DOCK8: variants seen among roughly 807,000 people sequenced by gnomAD.
The protein encoded by DOCK8 is dedicator of cytokinesis 8, also known as dedicator of cytokinesis protein 8.
Under a neutral mutation model 245.6 loss-of-function variants are expected in DOCK8, and 141 were observed. The ratio of observed to expected loss-of-function variants is 0.57; its 90% CI spans 0.50 to 0.66. DOCK8 has a LOEUF of 0.66. Among genes scored for constraint, DOCK8 ranks in the 30% least tolerant of loss-of-function variants. DOCK8 has a pLI of 0.00. For missense variants in DOCK8, 2,965 were observed against 2,603.4 expected, an observed-to-expected ratio of 1.14 and a Z score of -3.02; for synonymous variants, 1,168 against 970.2, an observed-to-expected ratio of 1.20 and a Z score of -3.79.
At chr9:358,793 G>A (rs1394628274) in intron 14 of DOCK8, among the ~76,000 whole-genome samples, 1 of 152,182 alleles carries the variant, frequency 6.6e-6, no homozygotes, top group Non-Finnish European at 1.5e-5. Context: ...AGGTTGCAGT[G>A]AACTGAGATC....
At chr9:415,607 G>C (rs529602139) in intron 29 of DOCK8, among the ~76,000 whole-genome samples, 10 of 152,108 alleles carry the variant, frequency 6.6e-5, no homozygotes, top group African/African-American at 2.4e-4. Context: ...CCAAATAGAA[G>C]AACTTCTTAT....
chr9:290,691 A>G (rs1333093247), intron 4 of DOCK8, among the ~76,000 whole-genome samples: 1 of 152,098 alleles, frequency 6.6e-6, no homozygotes, highest in African/African-American at 2.4e-5. Flanking sequence ...TGAGATGTGG[A>G]CTCTCTACAG....
At chr9:345,006 C>G (rs1460735887) in intron 14 of DOCK8, among the ~76,000 whole-genome samples, 1 of 152,056 alleles carries the variant, frequency 6.6e-6, no homozygotes, top group East Asian at 1.9e-4. Flanking sequence ...GAGCTGAGAT[C>G]CTGCCATTGC....
At chr9:280,329 C>T (rs1305066486) in intron 2 of DOCK8, among the ~76,000 whole-genome samples, 1 of 152,148 alleles carries the variant, frequency 6.6e-6, no homozygotes, top group Admixed American at 6.5e-5. Flanking sequence ...TTTCTTTAGC[C>T]TAGTGTCTGT....
intron 42 of DOCK8, among the ~76,000 whole-genome samples, 163 bp from the exon 43 acceptor site, chr9:443,264 C>T (rs1446494002): frequency 6.6e-6 from 1 of 152,156 alleles, no homozygotes; most frequent in Non-Finnish European, 1.5e-5. Flanking sequence ...TTATTTTTGT[C>T]TTAGGAAATG....
intron 26 of DOCK8, among the ~76,000 whole-genome samples, chr9:399,702 C>G (rs1256707564): frequency 1.3e-5 from 2 of 152,026 alleles, no homozygotes; most frequent in African/African-American, 4.8e-5. Context: ...TAAATAAAAT[C>G]ATTCAAAGAG....
chr9:240,165 C>G (rs1227851489), intron 1 of DOCK8, among the ~76,000 whole-genome samples: 1 of 152,118 alleles, frequency 6.6e-6, no homozygotes, highest in East Asian at 1.9e-4. Flanking sequence ...TATAACATCC[C>G]TGAACTTTAC....
At chr9:364,813 T>C (rs1228606837) in intron 14 of DOCK8, among the ~76,000 whole-genome samples, 1 of 152,184 alleles carries the variant, frequency 6.6e-6, no homozygotes, top group African/African-American at 2.4e-5. Flanking sequence ...AATGGGCACA[T>C]ATTGCTTTCA....
intron 1 of DOCK8, among the ~76,000 whole-genome samples, chr9:265,827 G>C (rs1355265281): frequency 2.6e-5 from 4 of 152,116 alleles, no homozygotes; most frequent in Admixed American, 2.0e-4. Flanking sequence ...GAGCTGGAAA[G>C]ATGCTCAGGA....
At chr9:435,774 T>C (rs575530836) in intron 39 of DOCK8, among the ~76,000 whole-genome samples, 2 of 152,304 alleles carry the variant, frequency 1.3e-5, no homozygotes, top group East Asian at 3.9e-4. Context: ...CCACTTAAAG[T>C]GTTCTTACTG....
intron 23 of DOCK8, among the ~76,000 whole-genome samples, chr9:388,840 C>T (rs183741146): frequency 6.6e-6 from 1 of 152,226 alleles, no homozygotes; most frequent in East Asian, 1.9e-4. Context: ...AGGCATGAGT[C>T]AACACACCTA....
chr9:332,548 A>G, intron 10 of DOCK8, 70 bp downstream of exon 10: 2 of 1,113,764 alleles, frequency 1.8e-6, no homozygotes, highest in Non-Finnish European at 2.8e-6. Flanking sequence ...AGTGTTACAC[A>G]AATAGTTAAT....
At position 398,670 on chromosome 9, in the gene DOCK8, T is replaced by C. The variant is rs189491433; in HGVS notation, c.3121-476T>C. 2.2e-3 allele frequency among the ~76,000 whole-genome samples: 337 copies of C among 152,288 alleles called. 1 individual carries two copies. Among genetic ancestry groups the C allele is most frequent in the African/African-American group, 7.7e-3 (320 of 41,546 alleles). On this transcript the variant is annotated intron_variant, in intron 25 of 47. Transcript: ENST00000432829. ...CTCTTAGGCTGGAAATGCTGCCTAA[T>C]TGAGGAATAAATTTCTTAGGTAAAA...
At chr9:280,585 C>G (rs2048536134) in intron 2 of DOCK8, among the ~76,000 whole-genome samples, 1 of 152,232 alleles carries the variant, frequency 6.6e-6, no homozygotes, top group South Asian at 2.1e-4. Flanking sequence ...CAGAGAGCCT[C>G]TACCTTCTTA....
chr9:237,787 A>G (rs545875998), intron 1 of DOCK8, among the ~76,000 whole-genome samples: 7 of 152,326 alleles, frequency 4.6e-5, no homozygotes, highest in African/African-American at 1.7e-4. Context: ...TTTTTCTGAG[A>G]ACAACCAATT....
intron 46 of DOCK8, chr9:456,522 C>A (rs896396556): frequency 2.6e-5 from 4 of 152,166 alleles, no homozygotes; most frequent in Admixed American, 2.6e-4. Flanking sequence ...ATTTGCTTGC[C>A]AGGTCCACTG....
intron 1 of DOCK8, among the ~76,000 whole-genome samples, chr9:234,863 T>C (rs2047208688): frequency 6.6e-6 from 1 of 151,994 alleles, no homozygotes; most frequent in Admixed American, 6.6e-5. Context: ...TAGCTCAGAG[T>C]AGTTTGATCG....
In DOCK8 at chr9:463,504, A is replaced by C. The variant is rs1225509132; in HGVS notation, c.6069-13A>C. On this transcript the variant is annotated splice_polypyrimidine_tract_variant and intron_variant, in intron 46 of 47. Transcript: ENST00000432829. ...AGTCATTTATTTCTCCCACACTGAT[A>C]TTTTCATCTCAGATGTGGTGAAGCT... The C allele has an allele frequency of 5.6e-6, 9 of 1,614,036 alleles. No individual in the cohort carries two copies. The highest frequency in any genetic ancestry group is 5.9e-6 in the Non-Finnish European group (7 of 1,180,024).
At chr9:428,696 C>G (rs557203790) in intron 35 of DOCK8, among the ~76,000 whole-genome samples, 200 bp downstream of exon 35, 1 of 152,290 alleles carries the variant, frequency 6.6e-6, no homozygotes, top group African/African-American at 2.4e-5. Flanking sequence ...CAGTGGCTCC[C>G]ATATTTGAAG....
Sources: gnomAD v4.1 joint callset for allele counts (sites outside exome capture counted in the v4.1 genomes callset) on GRCh38, gnomAD v4.1.1 for gene constraint, MANE v1.5 for transcripts, NCBI Gene and HGNC (gene_info 2026-07-23, HGNC 2026-07-21) for gene names.